The following CLDN20 variants were observed in gnomAD, a reference collection of about 807,000 sequenced individuals.
The protein encoded by CLDN20 is claudin 20.
For synonymous variants in CLDN20, 104 were observed against 103.6 expected (o/e 1.00, Z -0.03); for missense variants, 258 against 267.9 (o/e 0.96, Z 0.26).
In CLDN20 at chr6:155,276,378, A is replaced by G; in HGVS notation, c.659A>G (p.Ter220=). The G allele has an allele frequency of 6.2e-7, 1 of 1,610,752 alleles. No homozygotes were observed. Among genetic ancestry groups the G allele is most frequent in the Non-Finnish European group, 8.5e-7 (1 of 1,178,206 alleles). The part of the protein sequence containing the change: ...NSTHNLKDYV[*] ...ACACACAATCTGAAGGATTATGTGTAAATAACTGAGTAATGCATATGAAAT... is the reference window on the plus strand; with the variant it reads ...ACACACAATCTGAAGGATTATGTGTGAATAACTGAGTAATGCATATGAAAT... The change falls in exon 2 of 2, where the codon TAA becomes TGA. Residue 220 remains the stop codon, a stop_retained_variant. Coordinates refer to ENST00000367165, the MANE Select transcript of CLDN20 (RefSeq NM_001001346.3).
chr6:155,275,284 C>A (rs1785129879), intron 1 of CLDN20, among the ~76,000 whole-genome samples: 1 of 152,106 alleles, frequency 6.6e-6, no homozygotes, highest in Non-Finnish European at 1.5e-5. Flanking sequence ...TATTAAAATT[C>A]TTTATCAGAT....
chr6:155,268,566 C>A (rs1205985702), intron 1 of CLDN20, among the ~76,000 whole-genome samples: 2 of 152,204 alleles, frequency 1.3e-5, no homozygotes, highest in Non-Finnish European at 2.9e-5. Context: ...TCCAGATTAA[C>A]ATCACTAAGC....
chr6:155,269,324 C>CTTTTTTT lies in CLDN20; in HGVS notation c.-105+5045_-105+5051dup, dbSNP rs60162262. Among the ~76,000 whole-genome samples the CTTTTTTT allele has an allele frequency of 1.0e-4, 13 of 127,234 alleles. 1 individual carries two copies. The highest frequency in any genetic ancestry group is 2.5e-4 in the South Asian group (1 of 3,996). The allele number at this position is 127,234 out of a possible 152,430, so 83.5% of individuals were successfully genotyped here. The stretch of plus-strand genomic sequence containing the variant: ...GCTTAGTTTTCTTTTCTTTTCTTTT[C>CTTTTTTT]TTTTTTTTTTTTTTTGAGATGGAGT... On this transcript the variant is annotated intron_variant, in intron 1 of 1. Transcript: ENST00000367165.
Position 155,276,094 on chromosome 6 carries a change from C to G in CLDN20, c.375C>G (p.Phe125Leu). 2.5e-6 allele frequency: 4 copies of G among 1,614,176 alleles called. No homozygotes were observed. Among genetic ancestry groups the G allele is most frequent in the Non-Finnish European group, 3.4e-6 (4 of 1,180,036 alleles). The change falls in exon 2 of 2, where the codon TTC (phenylalanine) becomes TTG (leucine). Residue 125 changes from phenylalanine (F) to leucine (L), a missense_variant. Phe to Leu is a conservative substitution (Grantham distance 22). Transcript: ENST00000367165. ...SHASFAGGVC[F>L]MSAGISSLIS... ...CTTCCTTTGCTGGAGGAGTCTGTTT[C>G]ATGTCTGCAGGAATCTCTAGTTTAA...
chr6:155,269,304 G>C (rs556968014), intron 1 of CLDN20, among the ~76,000 whole-genome samples: 10 of 130,248 alleles, frequency 7.7e-5, no homozygotes, highest in Admixed American at 2.5e-4. Context: ...CTGTAGCTTA[G>C]TTTTCTTTTC....
At chr6:155,269,913 C>A (rs1784844650) in intron 1 of CLDN20, among the ~76,000 whole-genome samples, 1 of 152,178 alleles carries the variant, frequency 6.6e-6, no homozygotes, top group African/African-American at 2.4e-5. Context: ...TACTATGTGC[C>A]AGGCACTGAT....
intron 1 of CLDN20, among the ~76,000 whole-genome samples, chr6:155,269,313 T>TC (rs1187363753): frequency 2.9e-5 from 3 of 101,752 alleles, no homozygotes; most frequent in Admixed American, 1.1e-4. Context: ...AGTTTTCTTT[T>TC]CTTTTCTTTT....
intron 1 of CLDN20, among the ~76,000 whole-genome samples, chr6:155,270,662 C>A (rs1191850935): frequency 6.6e-6 from 1 of 152,178 alleles, no homozygotes; most frequent in East Asian, 1.9e-4. Flanking sequence ...TATCCTCCAG[C>A]CAGCTTCCTT....
chr6:155,275,899 G>A lies in CLDN20; in HGVS notation c.180G>A (p.Gly60=), dbSNP rs1370611748. 3 of 1,614,144 alleles carry A rather than the reference G, an allele frequency of 1.9e-6. No individual in the cohort carries two copies. Among genetic ancestry groups the A allele is most frequent in the Non-Finnish European group, 2.5e-6 (3 of 1,180,026 alleles). The stretch of plus-strand genomic sequence containing the variant: ...TGGACTGTACGTGGTACAGCACTGG[G>A]ATGTTCAGCTGTGCCCTGAAACACT... ...LWMDCTWYST[G]MFSCALKHSI... is the part of the protein sequence containing the mutation. Residue 60 remains glycine, a synonymous_variant, in exon 2 of 2, where the codon GGG becomes GGA. Transcript: ENST00000367165.
chr6:155,270,364 A>C (rs1214480501), intron 1 of CLDN20, among the ~76,000 whole-genome samples: 3 of 152,204 alleles, frequency 2.0e-5, no homozygotes, highest in Non-Finnish European at 4.4e-5. Flanking sequence ...CTCTGGACTT[A>C]AAAGATTAAT....
At chr6:155,271,169 C>A (rs1413038383) in intron 1 of CLDN20, among the ~76,000 whole-genome samples, 1 of 152,118 alleles carries the variant, frequency 6.6e-6, no homozygotes, top group Admixed American at 6.5e-5. Flanking sequence ...TGGTTATTAA[C>A]AGTTGTTAAA....
chr6:155,269,451 A>C (rs1380126071), intron 1 of CLDN20, among the ~76,000 whole-genome samples: 3 of 151,296 alleles, frequency 2.0e-5, no homozygotes, highest in Non-Finnish European at 4.4e-5. Context: ...CCTCCCGAGA[A>C]GCTGGGGCTA....
intron 1 of CLDN20, among the ~76,000 whole-genome samples, chr6:155,267,257 G>A (rs137901753): frequency 0.012 from 1,858 of 152,298 alleles, 34 homozygotes; most frequent in Non-Finnish European, 0.015. Context: ...TTATGGGCAT[G>A]AGCCACCACA....
chr6:155,271,110 CAT>C (rs1211798977), intron 1 of CLDN20, among the ~76,000 whole-genome samples: 2 of 152,112 alleles, frequency 1.3e-5, no homozygotes, highest in South Asian at 2.1e-4. Flanking sequence ...ATAACCGAAA[CAT>C]GTGTTTGTTT....
chr6:155,276,090 G>A lies in CLDN20; in HGVS notation c.371G>A (p.Cys124Tyr). 1 of 1,614,170 alleles carries A rather than the reference G, an allele frequency of 6.2e-7. No homozygotes were observed. The highest frequency in any genetic ancestry group is 1.1e-5 in the South Asian group (1 of 91,076). Reference protein sequence around the residue: ...KSHASFAGGVCFMSAGISSLI... With the variant: ...KSHASFAGGVYFMSAGISSLI... The stretch of plus-strand genomic sequence containing the variant: ...CATGCTTCCTTTGCTGGAGGAGTCT[G>A]TTTCATGTCTGCAGGAATCTCTAGT... The change falls in exon 2 of 2, where the codon TGT becomes TAT. Residue 124 changes from cysteine to tyrosine, a missense_variant. Physicochemically the swap from Cys to Tyr is radical, Grantham distance 194 (BLOSUM62 -2). Coordinates refer to ENST00000367165, the MANE Select transcript of CLDN20 (RefSeq NM_001001346.3).
chr6:155,270,729 T>G (rs1784879148), intron 1 of CLDN20, among the ~76,000 whole-genome samples: 1 of 152,176 alleles, frequency 6.6e-6, no homozygotes, highest in Admixed American at 6.5e-5. Context: ...TCAGTCAGCC[T>G]CACAAAGCTT....
intron 1 of CLDN20, among the ~76,000 whole-genome samples, chr6:155,265,324 A>C (rs1174897209): frequency 6.6e-6 from 1 of 152,246 alleles, no homozygotes; most frequent in Admixed American, 6.5e-5. Flanking sequence ...CAAACTCAGA[A>C]GGCACTTGAT....
At chr6:155,265,714 TTTATATATAATATAAATATATA>T (rs1554251532) in intron 1 of CLDN20, among the ~76,000 whole-genome samples, 1 of 145,682 alleles carries the variant, frequency 6.9e-6, no homozygotes, top group South Asian at 2.1e-4. Context: ...ATTAAATATA[TTTATATATAATATAAATATATA>T]TTATATATAA....
chr6:155,275,850 T>C lies in CLDN20; in HGVS notation c.131T>C (p.Ile44Thr), dbSNP rs1434443549. ...GTGGACTCCAACATCATAACAGCCA[T>C]TGTACAGCTGCACGGGCTCTGGATG... ...VDVDSNIITA[I>T]VQLHGLWMDC... The change falls in exon 2 of 2, where the codon ATT becomes ACT. Residue 44 changes from isoleucine (I) to threonine (T), a missense_variant. By Grantham distance (89) the Ile-to-Thr change is moderately conservative. Transcript: ENST00000367165. 5 of 1,614,088 alleles carry C rather than the reference T, an allele frequency of 3.1e-6. No individual in the cohort carries two copies. The highest frequency in any genetic ancestry group is 4.2e-6 in the Non-Finnish European group (5 of 1,180,008).
Sources: allele counts gnomAD v4.1 joint callset (sites outside exome capture counted in the v4.1 genomes callset), GRCh38; gene constraint gnomAD v4.1.1; transcripts MANE v1.5; gene names NCBI Gene and HGNC (gene_info 2026-07-23, HGNC 2026-07-21).